Variants in SCLT1 observed in about 807,000 individuals in gnomAD.
SCLT1 encodes the protein sodium channel and clathrin linker 1.
SCLT1 carries 78 observed loss-of-function variants against 112.8 expected under a neutral mutation model. That is an observed-to-expected ratio of 0.69 (90% CI 0.58 to 0.83). The LOEUF (loss-of-function observed/expected upper bound fraction) is 0.83, where lower values mean the gene tolerates loss of function less well. Ranked by LOEUF, SCLT1 falls within the 40% of genes least tolerant of loss-of-function variation. The pLI is 0.00. For synonymous variants in SCLT1, 257 were observed against 254.7 expected (o/e 1.01, Z -0.09); for missense variants, 747 against 770.4 (o/e 0.97, Z 0.36).
chr4:129,027,095 G>A (rs1252854295), intron 5 of SCLT1, among the ~76,000 whole-genome samples: 1 of 152,108 alleles, frequency 6.6e-6, no homozygotes, highest in East Asian at 1.9e-4. Context: ...GGACCAGATG[G>A]ATTCACAGCC....
downstream of SCLT1, among the ~76,000 whole-genome samples, chr4:128,883,396 G>A (rs111407659): frequency 4.9e-3 from 748 of 151,960 alleles, 9 homozygotes; most frequent in African/African-American, 0.016. Flanking sequence ...TCACACACCC[G>A]GGCCTGTCGA....
intron 5 of SCLT1, among the ~76,000 whole-genome samples, chr4:129,005,291 A>G: frequency 6.6e-6 from 1 of 152,188 alleles, no homozygotes; most frequent in East Asian, 1.9e-4. Flanking sequence ...CTTTAAATTG[A>G]TTGTAAAATG....
At chr4:129,033,194 A>T (rs1341944480) in intron 5 of SCLT1, among the ~76,000 whole-genome samples, 2 of 152,148 alleles carry the variant, frequency 1.3e-5, no homozygotes, top group African/African-American at 2.4e-5. Context: ...CTTTGCAGGG[A>T]CATGGATGAA....
At chr4:128,883,225 C>A, downstream of SCLT1, among the ~76,000 whole-genome samples, 1 of 145,796 alleles carries the variant, frequency 6.9e-6, no homozygotes, top group African/African-American at 2.6e-5. Context: ...TATATATTGA[C>A]AGAAGTAAAA....
intron 2 of SCLT1, 129 bp from the exon 3 acceptor site, chr4:129,044,180 G>A: frequency 2.0e-6 from 1 of 510,680 alleles, no homozygotes; most frequent in Non-Finnish European, 3.5e-6. Flanking sequence ...CAAAATGAGA[G>A]AAAAAAATAA....
downstream of SCLT1, among the ~76,000 whole-genome samples, chr4:128,879,692 A>G (rs1358779911): frequency 1.3e-5 from 2 of 152,342 alleles, no homozygotes; most frequent in South Asian, 2.1e-4. Flanking sequence ...ACAAACAGAC[A>G]TTATTAATAC....
At chr4:128,877,440 G>A (rs1453401127) in intron 3 of SCLT1, among the ~76,000 whole-genome samples, 1 of 152,130 alleles carries the variant, frequency 6.6e-6, no homozygotes, top group Non-Finnish European at 1.5e-5. Context: ...CCAGCACTTT[G>A]GGAGGTGGAG....
chr4:128,898,679 A>G (rs993888343), intron 18 of SCLT1, among the ~76,000 whole-genome samples: 1 of 152,258 alleles, frequency 6.6e-6, no homozygotes, highest in African/African-American at 2.4e-5. Flanking sequence ...AGATCAGAGC[A>G]GAAGTGAAGG....
downstream of SCLT1, among the ~76,000 whole-genome samples, chr4:128,879,190 A>AT (rs1226675608): frequency 6.6e-6 from 1 of 152,116 alleles, no homozygotes; most frequent in Admixed American, 6.5e-5. Flanking sequence ...TGGAAGTAGA[A>AT]TTTTTTGAAA....
At chr4:128,986,008 A>C (rs547811498) in intron 9 of SCLT1, among the ~76,000 whole-genome samples, 1 of 152,370 alleles carries the variant, frequency 6.6e-6, no homozygotes, top group South Asian at 2.1e-4. Flanking sequence ...AAGCACCTTC[A>C]TAAGAACCAA....
intron 18 of SCLT1, among the ~76,000 whole-genome samples, chr4:128,932,410 A>T: frequency 6.6e-6 from 1 of 152,304 alleles, no homozygotes; most frequent in African/African-American, 2.4e-5. Context: ...TTTTGAGATC[A>T]TTCTTTGATT....
At chr4:129,046,866 T>G (rs1261972770) in intron 2 of SCLT1, among the ~76,000 whole-genome samples, 1 of 152,130 alleles carries the variant, frequency 6.6e-6, no homozygotes, top group Non-Finnish European at 1.5e-5. Flanking sequence ...GATATAGTAG[T>G]ATTTCATTGT....
chr4:128,967,743 TA>T (rs1365425900), intron 10 of SCLT1, among the ~76,000 whole-genome samples: 1 of 152,216 alleles, frequency 6.6e-6, no homozygotes, highest in East Asian at 1.9e-4. Context: ...TGATGCTGGA[TA>T]TTACACCTTT....
intron 5 of SCLT1, among the ~76,000 whole-genome samples, chr4:129,019,851 G>GCTC (rs2126119443): frequency 6.6e-6 from 1 of 151,560 alleles, no homozygotes; most frequent in African/African-American, 2.4e-5. Flanking sequence ...CCTTTTTTAT[G>GCTC]CTCCTCCAAT....
chr4:129,049,871 T>C (rs950622303), intron 2 of SCLT1, among the ~76,000 whole-genome samples: 1 of 152,190 alleles, frequency 6.6e-6, no homozygotes, highest in Admixed American at 6.5e-5. Context: ...GTATTTGTCC[T>C]AATGCTCTCC....
At chr4:128,899,926 T>C (rs1019128532) in intron 18 of SCLT1, among the ~76,000 whole-genome samples, 3 of 152,248 alleles carry the variant, frequency 2.0e-5, no homozygotes, top group Non-Finnish European at 2.9e-5. Flanking sequence ...CCATTCACAA[T>C]TGCTTCAAAG....
At position 129,093,204 on chromosome 4, in the gene SCLT1, G is replaced by A. The variant is rs1325365484; in HGVS notation, c.-101C>T. 1.8e-6 allele frequency: 2 copies of A among 1,112,566 alleles called. No homozygotes were observed. Among genetic ancestry groups the A allele is most frequent in the African/African-American group, 3.1e-5 (2 of 64,684 alleles). The allele number at this position is 1,112,566 out of a possible 1,614,324, so 68.9% of individuals were successfully genotyped here. ...AACAAAACTAAGCCAACGCTCGGTT[G>A]GTTGTCAAGCGCTCCAGCGGTGCAA... is the stretch of plus-strand genomic sequence containing the variant. On this transcript the variant is annotated 5_prime_UTR_variant, in exon 1 of 21. Transcript: ENST00000281142.
chr4:128,874,674 G>A lies in SCLT1; in HGVS notation n.356-208C>T, dbSNP rs1396079953. ...GGAACTCTCTATGAGGTGGCCATAA[G>A]CAGCAACCAGCCCAAACACCCACTT... is the stretch of plus-strand genomic sequence containing the variant. On this transcript the variant is annotated intron_variant and non_coding_transcript_variant, in intron 4 of 7. Transcript: ENST00000503565. The A allele has an allele frequency of 2.0e-5, 3 of 151,584 alleles. No individual in the cohort carries two copies. In the East Asian group the frequency reaches 5.8e-4, roughly 29 times the overall value. The allele number at this position is 151,584 out of a possible 1,614,324, so 9.4% of individuals were successfully genotyped here.
chr4:129,086,066 T>G (rs1276295155), intron 1 of SCLT1, among the ~76,000 whole-genome samples: 3 of 151,848 alleles, frequency 2.0e-5, no homozygotes, highest in African/African-American at 7.3e-5. Context: ...ACAAACCTCT[T>G]TTTTTTTCCC....
Sources: gnomAD v4.1 joint callset for allele counts (sites outside exome capture counted in the v4.1 genomes callset) on GRCh38, gnomAD v4.1.1 for gene constraint, MANE v1.5 for transcripts, NCBI Gene and HGNC (gene_info 2026-07-23, HGNC 2026-07-21) for gene names.